Variants in FAM120A observed in about 807,000 individuals in gnomAD.
FAM120A encodes family with sequence similarity 120 member A.
FAM120A carries 15 observed loss-of-function variants against 109.7 expected under a neutral mutation model. The observed-to-expected ratio is 0.14, with a 90% CI of 0.09 to 0.21. The LOEUF is 0.21. FAM120A is among the 10% of genes least tolerant of loss of function. The pLI, the probability that FAM120A is intolerant of heterozygous loss-of-function variation, is 1.00. For missense variants in FAM120A, 899 were observed against 1,439.3 expected (o/e 0.62, Z 6.07); for synonymous variants, 493 against 572.8 (o/e 0.86, Z 1.99).
chr9:93,559,214 T>G (rs887449531), intron 15 of FAM120A, among the ~76,000 whole-genome samples: 3 of 152,210 alleles, frequency 2.0e-5, no homozygotes, highest in African/African-American at 7.2e-5. Flanking sequence ...TCCCAGTGCT[T>G]CTCTTTGCAT....
chr9:93,506,075 T>G (rs1442495928), intron 5 of FAM120A, among the ~76,000 whole-genome samples: 1 of 152,240 alleles, frequency 6.6e-6, no homozygotes, highest in Non-Finnish European at 1.5e-5. Flanking sequence ...TATGCCGTTC[T>G]AGTTGCCATA....
chr9:93,558,692 G>A lies in FAM120A; in HGVS notation c.2780G>A (p.Ser927Asn), dbSNP rs373864259. 12 of 1,613,968 alleles carry A rather than the reference G, an allele frequency of 7.4e-6. No homozygotes were observed. Among genetic ancestry groups the A allele is most frequent in the African/African-American group, 5.3e-5 (4 of 74,944 alleles). Residue 927 changes from serine (S) to asparagine (N), a missense_variant, in exon 15 of 18, where the codon AGC (serine) becomes AAC (asparagine). Transcript: ENST00000277165. ...GHCGAFSGSD[S>N]SRTSKSQGGV... Reference sequence around the variant, plus strand: ...TGCGGAGCCTTCTCAGGCAGTGACAGCAGCAGGACTAGCAAGTCCCAGGGC... The same window carrying A: ...TGCGGAGCCTTCTCAGGCAGTGACAACAGCAGGACTAGCAAGTCCCAGGGC...
At chr9:93,456,371 T>C (rs1398621877) in intron 1 of FAM120A, among the ~76,000 whole-genome samples, 2 of 152,254 alleles carry the variant, frequency 1.3e-5, no homozygotes, top group Non-Finnish European at 2.9e-5. Flanking sequence ...TTTGCTTCCA[T>C]TGGAATTTTG....
chr9:93,494,885 C>T (rs1588839471), intron 3 of FAM120A, among the ~76,000 whole-genome samples: 2 of 152,300 alleles, frequency 1.3e-5, no homozygotes, highest in East Asian at 3.9e-4. Context: ...GTGCTAGCCA[C>T]ATCTTGGATC....
intron 2 of FAM120A, among the ~76,000 whole-genome samples, chr9:93,473,036 T>C (rs576842734): frequency 1.4e-4 from 22 of 151,762 alleles, no homozygotes; most frequent in Middle Eastern, 3.4e-3. Flanking sequence ...TTTTTTTTTT[T>C]AAATGGAGTC....
At chr9:93,531,482 C>T (rs1861329031) in intron 9 of FAM120A, 1 of 152,254 alleles carries the variant, frequency 6.6e-6, no homozygotes, top group Non-Finnish European at 1.5e-5. Flanking sequence ...CTGCCAAAGG[C>T]CACAGTCAGT....
chr9:93,477,962 A>G (rs1858618908), intron 3 of FAM120A, among the ~76,000 whole-genome samples: 2 of 152,234 alleles, frequency 1.3e-5, no homozygotes, highest in African/African-American at 4.8e-5. Flanking sequence ...TTCAACAATT[A>G]TAAACATTTT....
At chr9:93,507,616 G>T (rs1467068248) in intron 5 of FAM120A, among the ~76,000 whole-genome samples, 1 of 152,172 alleles carries the variant, frequency 6.6e-6, no homozygotes, top group African/African-American at 2.4e-5. Flanking sequence ...CAGGAGGTGG[G>T]TGCACAGAAA....
At chr9:93,493,078 A>G (rs1213942844) in intron 3 of FAM120A, among the ~76,000 whole-genome samples, 1 of 152,186 alleles carries the variant, frequency 6.6e-6, no homozygotes, top group African/African-American at 2.4e-5. Context: ...CGGGAGGCTG[A>G]CTTGTTTGCT....
chr9:93,489,803 GACTGTTGT>G (rs1453728979), intron 3 of FAM120A, among the ~76,000 whole-genome samples: 1 of 152,124 alleles, frequency 6.6e-6, no homozygotes, highest in Non-Finnish European at 1.5e-5. Context: ...CCTTTCTCTT[GACTGTTGT>G]ACTAGAAAAC....
Position 93,452,418 on chromosome 9 carries a change from G to A in FAM120A, c.474+29G>A. 1.3e-6 allele frequency: 2 copies of A among 1,580,438 alleles called. No homozygotes were observed. Among genetic ancestry groups the A allele is most frequent in the South Asian group, 1.1e-5 (1 of 87,618 alleles). On this transcript the variant is annotated intron_variant, in intron 1 of 17. Coordinates refer to ENST00000277165, the MANE Select transcript of FAM120A (RefSeq NM_014612.5). The surrounding 1 kb of genome is among the most constrained non-coding windows in gnomAD (Gnocchi z 7.0). The stretch of plus-strand genomic sequence containing the variant: ...AGGCCGGGGATCCGGGCGGGCCGGG[G>A]ACCGGGGCCGCGCCGCACCCCTATC...
intron 3 of FAM120A, among the ~76,000 whole-genome samples, chr9:93,496,773 C>G (rs1400376519): frequency 6.6e-6 from 1 of 152,208 alleles, no homozygotes; most frequent in Non-Finnish European, 1.5e-5. Context: ...ATTGTCCTGC[C>G]TACCGCAAAG....
At position 93,497,456 on chromosome 9, in the gene FAM120A, C is replaced by G. The variant is rs765795111; in HGVS notation, c.805-15C>G. On this transcript the variant is annotated splice_polypyrimidine_tract_variant and intron_variant, in intron 3 of 17. Coordinates refer to ENST00000277165, the MANE Select transcript of FAM120A (RefSeq NM_014612.5). ...GCTCACCATCCACTGTTGACACTTA[C>G]GTTTGTTTTCTCAGGTCCGGGCCCA... 10 of 1,611,898 alleles carry G rather than the reference C, an allele frequency of 6.2e-6. No homozygotes were observed. The South Asian group carries it at 7.7e-5, about 12-fold the overall frequency.
intron 12 of FAM120A, among the ~76,000 whole-genome samples, chr9:93,551,401 T>C (rs1338403554): frequency 6.6e-6 from 1 of 152,234 alleles, no homozygotes; most frequent in Non-Finnish European, 1.5e-5. Flanking sequence ...AATTTCCATA[T>C]TAAATTTTAG....
intron 16 of FAM120A, among the ~76,000 whole-genome samples, chr9:93,561,784 ATAAT>A (rs1200057966): frequency 1.3e-5 from 2 of 152,114 alleles, no homozygotes; most frequent in African/African-American, 2.4e-5. Context: ...CAATTATTAA[ATAAT>A]TAACCATACA....
Position 93,452,704 on chromosome 9 carries a change from T to G in FAM120A, c.474+315T>G, listed in dbSNP as rs1857320746. On this transcript the variant is annotated intron_variant, in intron 1 of 17. Coordinates refer to ENST00000277165, the MANE Select transcript of FAM120A (RefSeq NM_014612.5). The surrounding 1 kb of genome is among the most constrained non-coding windows in gnomAD (Gnocchi z 7.0). Reference sequence around the variant, plus strand: ...CATCATCCCCAATATCCTTAGTTTTTCCCATCCTATTTGAGGCGGGCAGGC... The same window carrying G: ...CATCATCCCCAATATCCTTAGTTTTGCCCATCCTATTTGAGGCGGGCAGGC... The G allele has an allele frequency of 6.3e-7, 1 of 1,598,524 alleles. No homozygotes were observed. Among genetic ancestry groups the G allele is most frequent in the Non-Finnish European group, 8.5e-7 (1 of 1,179,850 alleles).
intron 10 of FAM120A, among the ~76,000 whole-genome samples, chr9:93,535,014 T>C (rs999214835): frequency 2.6e-5 from 4 of 152,234 alleles, no homozygotes; most frequent in Non-Finnish European, 5.9e-5. Context: ...AGTTTAGTAC[T>C]TCTTCAATGG....
chr9:93,523,267 C>T, intron 7 of FAM120A: 1 of 1,278,258 alleles, frequency 7.8e-7, no homozygotes, highest in Non-Finnish European at 1.0e-6. Context: ...GAATGTTTTT[C>T]TTGTCCTTTA....
chr9:93,529,544 G>A lies in FAM120A; in HGVS notation c.1698G>A (p.Gly566=). Residue 566 remains glycine (G), a synonymous_variant, in exon 9 of 18, where the codon GGG becomes GGA. Coordinates refer to ENST00000277165, the MANE Select transcript of FAM120A (RefSeq NM_014612.5). ...LRVAEHRHKK[G]LMYPYIFHVL... ...TGGCCGAGCACAGGCACAAGAAGGG[G>A]CTGATGTACCCCTACATCTTCCATG... 6.2e-7 allele frequency: 1 copy of A among 1,614,242 alleles called. No individual in the cohort carries two copies. Among genetic ancestry groups the A allele is most frequent in the African/African-American group, 1.3e-5 (1 of 75,058 alleles).
Sources: gnomAD v4.1 joint callset for allele counts (sites outside exome capture counted in the v4.1 genomes callset) on GRCh38, gnomAD v4.1.1 for gene constraint, Gnocchi (gnomAD v3.1) non-coding constraint, MANE v1.5 for transcripts, NCBI Gene and HGNC (gene_info 2026-07-23, HGNC 2026-07-21) for gene names.